NHLRC3: variants seen among roughly 807,000 people sequenced by gnomAD.
The protein encoded by NHLRC3 is NHL repeat-containing protein 3.
NHLRC3 carries 23 observed loss-of-function variants against 32.0 expected under a neutral mutation model. The ratio of observed to expected loss-of-function variants is 0.72; its 90% confidence interval spans 0.52 to 1.02. The LOEUF (loss-of-function observed/expected upper bound fraction) is 1.02. Ranked by LOEUF, NHLRC3 falls within the 50% of genes least tolerant of loss-of-function variation. The pLI is 0.00. For missense variants in NHLRC3, 407 were observed against 406.8 expected (o/e 1.00, Z -0.01); for synonymous variants, 159 against 147.9 (o/e 1.08, Z -0.55).
chr13:39,038,995 T>G, intron 1 of NHLRC3, 141 bp from the exon 2 acceptor site: 1 of 699,754 alleles, frequency 1.4e-6, no homozygotes, highest in Non-Finnish European at 2.4e-6. Context: ...CTAAGCTCAT[T>G]TCTTTGGAAT....
At position 39,047,799 on chromosome 13, in the gene NHLRC3, A is replaced by G. The variant is rs2138158612; in HGVS notation, c.917A>G (p.Asp306Gly). 3 of 1,614,186 alleles carry G rather than the reference A, an allele frequency of 1.9e-6. No homozygotes were observed. Among genetic ancestry groups the G allele is most frequent in the Non-Finnish European group, 2.5e-6 (3 of 1,180,026 alleles). The change falls in exon 7 of 7, where the codon GAT (aspartate) becomes GGT (glycine). Residue 306 changes from aspartate (D) to glycine (G), a missense_variant. Asp to Gly is a moderately conservative substitution (Grantham distance 94, BLOSUM62 -1). Coordinates refer to ENST00000379600, the MANE Select transcript of NHLRC3 (RefSeq NM_001012754.4). ...GTGATCAGCACAATCCAACTAGCAG[A>G]TCAAGTTTTGCCACATCTCCTAGAA... ...CSVISTIQLA[D>G]QVLPHLLEVD...
intron 4 of NHLRC3, among the ~76,000 whole-genome samples, chr13:39,042,743 A>C (rs996477874): frequency 6.6e-6 from 1 of 152,230 alleles, no homozygotes; most frequent in Non-Finnish European, 1.5e-5. Context: ...AATGTAGTCT[A>C]TGCTATTGAT....
rs142754977 is a variant in NHLRC3, at chr13:39,047,701, T to A, written c.819T>A (p.Ile273=). Residue 273 remains isoleucine, a synonymous_variant, in exon 7 of 7, where the codon ATT becomes ATA. Transcript: ENST00000379600. ...VRFTPDGKYL[I]VAQLNLSRLS... ...TTACTCCTGATGGGAAGTACTTGAT[T>A]GTGGCCCAGCTGAATCTTAGCAGGC... The A allele has an allele frequency of 6.2e-7, 1 of 1,613,854 alleles. No individual in the cohort carries two copies. Among genetic ancestry groups the A allele is most frequent in the Admixed American group, 1.7e-5 (1 of 60,012 alleles).
chr13:39,042,728 A>G (rs1367562210), intron 4 of NHLRC3, among the ~76,000 whole-genome samples: 1 of 152,226 alleles, frequency 6.6e-6, no homozygotes, highest in Non-Finnish European at 1.5e-5. Context: ...GTATTGAAAC[A>G]ATGAAATGTA....
At chr13:39,045,303 CATT>C (rs908608480) in intron 5 of NHLRC3, among the ~76,000 whole-genome samples, 7 of 152,254 alleles carry the variant, frequency 4.6e-5, no homozygotes, top group African/African-American at 1.4e-4. Context: ...TTGGGTGACT[CATT>C]GTGTGCTAAG....
intron 5 of NHLRC3, 191 bp downstream of exon 5, chr13:39,044,372 A>C (rs1871587473): frequency 3.7e-6 from 2 of 546,566 alleles, no homozygotes; most frequent in South Asian, 5.3e-5. Flanking sequence ...CTGGGTGTGC[A>C]CACATACTTT....
intron 3 of NHLRC3, chr13:39,040,023 A>G (rs1358504704): frequency 9.1e-6 from 1 of 109,850 alleles, no homozygotes; most frequent in Non-Finnish European, 1.8e-5. Context: ...AAAAATACAA[A>G]AAAAAAAAAA....
Position 39,039,216 on chromosome 13 carries a change from C to T in NHLRC3, c.165C>T (p.His55=), listed in dbSNP as rs766147547. 6 of 1,613,782 alleles carry T rather than the reference C, an allele frequency of 3.7e-6. No homozygotes were observed. In the African/African-American group the frequency reaches 8.0e-5, roughly 22 times the overall value. Residue 55 remains histidine (H), a synonymous_variant, in exon 2 of 7, where the codon CAC becomes CAT. Coordinates refer to ENST00000379600, the MANE Select transcript of NHLRC3 (RefSeq NM_001012754.4). ...LYRLDVGWPK[H]PEYFTGTTFC... is the part of the protein sequence containing the mutation. The stretch of plus-strand genomic sequence containing the variant: ...GGCTGGATGTGGGTTGGCCTAAGCA[C>T]CCAGAATATTTTACCGGAACAACAT...
intron 3 of NHLRC3, chr13:39,040,008 C>G (rs939943436): frequency 6.7e-6 from 1 of 148,392 alleles, no homozygotes; most frequent in African/African-American, 2.9e-5. Context: ...ACCCCCGTCT[C>G]CACTAAAAAT....
At chr13:39,039,814 ATTTC>A in intron 3 of NHLRC3, 103 bp downstream of exon 3, 1 of 786,600 alleles carries the variant, frequency 1.3e-6, no homozygotes, top group East Asian at 2.6e-5. Context: ...TCTAATTGTA[ATTTC>A]TTTAACGATT....
At chr13:39,045,133 T>C (rs1030722298) in intron 5 of NHLRC3, among the ~76,000 whole-genome samples, 7 of 152,254 alleles carry the variant, frequency 4.6e-5, no homozygotes, top group African/African-American at 1.7e-4. Context: ...CTTCTAATTA[T>C]GACTTGGCTT....
chr13:39,038,899 C>T, intron 1 of NHLRC3, 176 bp downstream of exon 1: 1 of 659,724 alleles, frequency 1.5e-6, no homozygotes. Context: ...GTGTATGTTA[C>T]ATCGCCATTT....
chr13:39,044,203 G>A (rs1029102770), intron 5 of NHLRC3, 22 bp downstream of exon 5: 7 of 1,499,230 alleles, frequency 4.7e-6, no homozygotes, highest in African/African-American at 2.8e-5. Context: ...GCGTCATTGT[G>A]TCTGGGACTT....
At chr13:39,044,271 GGGCATGTATATATAGATTGTGGTATACA>G in intron 5 of NHLRC3, 90 bp downstream of exon 5, 3 of 878,904 alleles carry the variant, frequency 3.4e-6, no homozygotes, top group African/African-American at 1.6e-5. Flanking sequence ...GTGTGTGTCT[GGGCATGTATATATAGATTGTGGTATACA>G]TGTGTGTCTG....
intron 4 of NHLRC3, among the ~76,000 whole-genome samples, chr13:39,043,429 A>C (rs183735217): frequency 2.0e-5 from 3 of 152,268 alleles, no homozygotes; most frequent in African/African-American, 7.2e-5. Context: ...TGGTGGCTCA[A>C]GCATTCCTTG....
At position 39,047,968 on chromosome 13, in the gene NHLRC3, T is replaced by A. The variant is rs906381031; in HGVS notation, c.*42T>A. The A allele has an allele frequency of 6.6e-6, 10 of 1,510,176 alleles. No individual in the cohort carries two copies. In the African/African-American group the frequency reaches 1.4e-4, roughly 21 times the overall value. The allele number at this position is 1,510,176 out of a possible 1,614,324, so 93.5% of individuals were successfully genotyped here. On this transcript the variant is annotated 3_prime_UTR_variant, in exon 7 of 7. Coordinates refer to ENST00000379600, the MANE Select transcript of NHLRC3 (RefSeq NM_001012754.4). ...ATATTTCAAGTGGCAGTTCAGATTC[T>A]CAATTCACTAAGTGCTTAAAAATGA...
In NHLRC3 at chr13:39,048,314, A is replaced by G. The variant is rs9576710; in HGVS notation, c.*388A>G. ...CTCCAGATTGTGCAACTAACATAAA[A>G]TGAGCTGCTTGAGAGATTGTAAATA... On this transcript the variant is annotated 3_prime_UTR_variant, in exon 7 of 7. Coordinates refer to ENST00000379600, the MANE Select transcript of NHLRC3 (RefSeq NM_001012754.4). 23,555 of 160,236 alleles carry G rather than the reference A, an allele frequency of 0.15. 2,154 individuals carry two copies. Among genetic ancestry groups the G allele is most frequent in the African/African-American group, 0.25 (10,356 of 41,666 alleles). 9.9% of individuals were successfully genotyped at this position (160,236 alleles called of 1,614,324 possible). A position where few individuals can be genotyped will look rare whatever the true frequency, so the allele number is the denominator to read the frequency against.
At chr13:39,040,284 T>C (rs1428373631) in intron 3 of NHLRC3, 1 of 152,170 alleles carries the variant, frequency 6.6e-6, no homozygotes, top group Non-Finnish European at 1.5e-5. Context: ...AAAGCATCAG[T>C]TGCTCTTCTC....
intron 1 of NHLRC3, 183 bp downstream of exon 1, chr13:39,038,906 AT>A: frequency 3.1e-6 from 2 of 652,364 alleles, no homozygotes; most frequent in Middle Eastern, 2.9e-4. Context: ...TTACATCGCC[AT>A]TTTCCTCTTT....
Sources: gnomAD v4.1 joint callset for allele counts (sites outside exome capture counted in the v4.1 genomes callset) on GRCh38, gnomAD v4.1.1 for gene constraint, MANE v1.5 for transcripts, NCBI Gene and HGNC (gene_info 2026-07-23, HGNC 2026-07-21) for gene names.